KCND3: variants seen among roughly 807,000 people sequenced by gnomAD.
KCND3 encodes A-type voltage-gated potassium channel KCND3.
A neutral mutation model predicts 51.1 loss-of-function variants in KCND3; 9 were observed. That is an observed-to-expected ratio of 0.18 (90% CI 0.11 to 0.31). KCND3 has a LOEUF of 0.31. Ranked by LOEUF, KCND3 falls within the 10% of genes least tolerant of loss-of-function variation. KCND3 has a pLI of 1.00. For missense variants in KCND3, 526 were observed against 903.8 expected (o/e 0.58, Z 5.36); for synonymous variants, 349 against 368.0 (o/e 0.95, Z 0.59).
At chr1:111,832,215 C>G (rs767773507) in intron 2 of KCND3, among the ~76,000 whole-genome samples, 9 of 152,190 alleles carry the variant, frequency 5.9e-5, no homozygotes, top group Non-Finnish European at 1.0e-4. Flanking sequence ...AATGACAAGG[C>G]CTCTTTAAAA....
intron 2 of KCND3, among the ~76,000 whole-genome samples, chr1:111,820,028 TC>T (rs1386586705): frequency 1.3e-5 from 2 of 152,202 alleles, no homozygotes; most frequent in African/African-American, 4.8e-5. Context: ...ATTGCGTCAC[TC>T]CTTCCAAAAA....
intron 1 of KCND3, among the ~76,000 whole-genome samples, chr1:111,983,703 T>G (rs1475510338): frequency 6.6e-6 from 1 of 151,916 alleles, no homozygotes; most frequent in African/African-American, 2.4e-5. Flanking sequence ...CATAACTCCC[T>G]CAGGTTATAT....
intron 2 of KCND3, among the ~76,000 whole-genome samples, chr1:111,934,814 G>T (rs1672145073): frequency 6.6e-6 from 1 of 152,180 alleles, no homozygotes; most frequent in Non-Finnish European, 1.5e-5. Context: ...GCTATAAACT[G>T]CTTATACCTC....
intron 2 of KCND3, among the ~76,000 whole-genome samples, chr1:111,798,029 G>T (rs1185486123): frequency 6.6e-6 from 1 of 152,204 alleles, no homozygotes; most frequent in African/African-American, 2.4e-5. Context: ...AGAGAGGACA[G>T]ATAGGTACTT....
chr1:111,915,364 T>C (rs1671147590), intron 2 of KCND3, among the ~76,000 whole-genome samples: 1 of 151,848 alleles, frequency 6.6e-6, no homozygotes, highest in African/African-American at 2.4e-5. Context: ...GACCTAACTA[T>C]GTGCTATCGG....
At chr1:111,779,960 G>C (rs1427840740) in intron 5 of KCND3, among the ~76,000 whole-genome samples, 2 of 152,322 alleles carry the variant, frequency 1.3e-5, no homozygotes, top group South Asian at 4.1e-4. Flanking sequence ...CAAGAAATGG[G>C]CTGTGGAGAC....
chr1:111,956,930 A>G (rs1038951477), intron 2 of KCND3, among the ~76,000 whole-genome samples: 2 of 152,070 alleles, frequency 1.3e-5, no homozygotes, highest in Non-Finnish European at 2.9e-5. Context: ...CTAACTCACA[A>G]CTAGGGTTGT....
rs577654091 is a variant in KCND3 at position 111,885,641 on chromosome 1, C to T, written c.1106+95980G>A. On this transcript the variant is annotated intron_variant, in intron 2 of 7. Transcript: ENST00000302127. ...GGGCAGATGAGAAACAAGTGTGGTA[C>T]GGGAACGTTTCCATTTACCCTGTTA... is the stretch of plus-strand genomic sequence containing the variant. 7.9e-5 allele frequency among the ~76,000 whole-genome samples: 12 copies of T among 151,586 alleles called. No individual in the cohort carries two copies. In the South Asian group the frequency reaches 1.9e-3, roughly 24 times the overall value.
intron 2 of KCND3, among the ~76,000 whole-genome samples, chr1:111,958,845 G>A (rs1673478440): frequency 6.6e-6 from 1 of 152,204 alleles, no homozygotes; most frequent in Admixed American, 6.5e-5. Flanking sequence ...AGCCTGAACT[G>A]GGTTCTGAGG....
chr1:111,971,549 C>T (rs1674330937), intron 2 of KCND3, among the ~76,000 whole-genome samples: 1 of 151,544 alleles, frequency 6.6e-6, no homozygotes, highest in Admixed American at 6.6e-5. Context: ...CTCTTCCCTC[C>T]CTTCATCTTT....
chr1:111,922,735 T>C lies in KCND3; in HGVS notation c.1106+58886A>G, dbSNP rs1330685606. On this transcript the variant is annotated intron_variant, in intron 2 of 7. Transcript: ENST00000302127. ...TCCACTTTGGCTATGCAGTGAGATT[T>C]GGATTTGAGTTCTGCATCTAGCAAT... Among the ~76,000 whole-genome samples the C allele has an allele frequency of 2.0e-5, 3 of 152,238 alleles. No homozygotes were observed. The East Asian group carries it at 5.8e-4, about 29-fold the overall frequency.
intron 2 of KCND3, among the ~76,000 whole-genome samples, chr1:111,836,911 T>G (rs1667093848): frequency 6.6e-6 from 1 of 152,208 alleles, no homozygotes; most frequent in Admixed American, 6.5e-5. Flanking sequence ...GGCTTTCCAG[T>G]TTAAATAAAG....
At chr1:111,782,675 C>T (rs1664436158) in intron 3 of KCND3, among the ~76,000 whole-genome samples, 1 of 152,090 alleles carries the variant, frequency 6.6e-6, no homozygotes, top group Non-Finnish European at 1.5e-5. Flanking sequence ...TTGATTGCAC[C>T]ACTTGGAGCC....
chr1:111,915,704 G>C (rs930046862), intron 2 of KCND3, among the ~76,000 whole-genome samples: 1 of 139,570 alleles, frequency 7.2e-6, no homozygotes, highest in East Asian at 2.1e-4. Context: ...AGTGAGCCGA[G>C]ATCACGCCAC....
chr1:111,914,775 C>A (rs919053528), intron 2 of KCND3, among the ~76,000 whole-genome samples: 8 of 151,544 alleles, frequency 5.3e-5, no homozygotes, highest in Non-Finnish European at 8.8e-5. Flanking sequence ...AGGAAGTTCT[C>A]CAGGAAAAAG....
chr1:111,905,134 C>T (rs1345887623), intron 2 of KCND3, among the ~76,000 whole-genome samples: 2 of 152,292 alleles, frequency 1.3e-5, no homozygotes, highest in South Asian at 2.1e-4. Flanking sequence ...TTAGAAACTG[C>T]GTGGTCTTGT....
Position 111,776,127 on chromosome 1 carries a change from T to G in KCND3, c.1918A>C (p.Thr640Pro), listed in dbSNP as rs758286812. The G allele has an allele frequency of 6.2e-7, 1 of 1,614,048 alleles. No homozygotes were observed. The highest frequency in any genetic ancestry group is 1.7e-5 in the Admixed American group (1 of 60,012). Residue 640 changes from threonine (T) to proline (P), a missense_variant, in exon 8 of 8, where the codon ACG becomes CCG. Around this residue, in one of 5 missense-constraint regions of KCND3, gnomAD observed 266 missense variants for 305.5 expected, o/e 0.87. Coordinates refer to ENST00000302127, the MANE Select transcript of KCND3 (RefSeq NM_001378969.1). ...RPPPASPGPN[T>P]NIPSIASNVV... ...TTGCTGGCTATGGAAGGAATGTTCG[T>G]GTTGGGGCCTGGGCTGGCAGGGGGT...
intron 2 of KCND3, among the ~76,000 whole-genome samples, chr1:111,881,592 G>A (rs1353984083): frequency 6.6e-6 from 1 of 152,210 alleles, no homozygotes. Flanking sequence ...GTCTCTAGGA[G>A]GGAGAAGTCA....
chr1:111,944,553 C>A (rs1462485065), intron 2 of KCND3, among the ~76,000 whole-genome samples: 1 of 152,198 alleles, frequency 6.6e-6, no homozygotes, highest in African/African-American at 2.4e-5. Context: ...TGAGTCCCAG[C>A]TGCCCCTCCT....
Sources: gnomAD v4.1 joint callset for allele counts (sites outside exome capture counted in the v4.1 genomes callset) on GRCh38, gnomAD v4.1.1 for gene constraint, gnomAD v4.1.1 regional missense constraint, MANE v1.5 for transcripts, NCBI Gene and HGNC (gene_info 2026-07-23, HGNC 2026-07-21) for gene names.